FBXL17: variants seen among roughly 807,000 people sequenced by gnomAD.
FBXL17 encodes the protein F-box and leucine rich repeat protein 17.
A neutral mutation model predicts 66.2 loss-of-function variants in FBXL17; 22 were observed. The ratio of observed to expected loss-of-function variants is 0.33; its 90% CI spans 0.24 to 0.47. FBXL17 has a LOEUF of 0.47. Ranked by LOEUF, FBXL17 falls within the 20% of genes least tolerant of loss-of-function variation. The pLI, the probability that FBXL17 is intolerant of heterozygous loss-of-function variation, is 1.00. For synonymous variants in FBXL17, 474 were observed against 400.5 expected (o/e 1.18, Z -2.19); for missense variants, 878 against 948.2 (o/e 0.93, Z 0.97).
chr5:107,892,167 T>C (rs918785898), intron 7 of FBXL17, among the ~76,000 whole-genome samples: 4 of 152,252 alleles, frequency 2.6e-5, no homozygotes, highest in South Asian at 4.1e-4. Flanking sequence ...AAGTACCGTC[T>C]CTACTGAATG....
Position 107,961,214 on chromosome 5 carries a change from C to CT in FBXL17, c.1822+59710dup, listed in dbSNP as rs201345861. Among the ~76,000 whole-genome samples the CT allele has an allele frequency of 5.3e-5, 8 of 150,796 alleles. No individual in the cohort carries two copies. In the East Asian group the frequency reaches 9.8e-4, roughly 18 times the overall value. ...TTCTTTCTTTTTTTCTTTTTCTTTTCTTTTTTTGGGGGGTTTTGTTTTGTT... is the reference window on the plus strand; with the variant it reads ...TTCTTTCTTTTTTTCTTTTTCTTTTCTTTTTTTTGGGGGGTTTTGTTTTGTT... On this transcript the variant is annotated intron_variant, in intron 7 of 8. Transcript: ENST00000542267.
intron 4 of FBXL17, among the ~76,000 whole-genome samples, chr5:108,238,136 T>C (rs944877485): frequency 2.0e-5 from 3 of 152,196 alleles, no homozygotes; most frequent in Non-Finnish European, 4.4e-5. Context: ...AGAGAACACA[T>C]TGGCACTTGT....
chr5:107,876,186 C>T (rs762388097), intron 8 of FBXL17, among the ~76,000 whole-genome samples: 32 of 152,116 alleles, frequency 2.1e-4, no homozygotes, highest in African/African-American at 2.9e-4. Flanking sequence ...TTAGGTAAAC[C>T]GAGGCACACT....
chr5:108,022,068 T>C (rs1422712078), intron 6 of FBXL17, among the ~76,000 whole-genome samples: 2 of 151,936 alleles, frequency 1.3e-5, no homozygotes, highest in Admixed American at 6.6e-5. Flanking sequence ...TAATTCATTA[T>C]TGAAGGTTAA....
At chr5:108,373,325 ATTAATATATATC>A (rs1436636743) in intron 1 of FBXL17, among the ~76,000 whole-genome samples, 452 of 111,296 alleles carry the variant, frequency 4.1e-3, no homozygotes, top group Middle Eastern at 0.011. Flanking sequence ...TTAAATTTTT[ATTAATATATATC>A]TAAATATAAT....
chr5:107,868,406 T>C (rs1748344837), intron 8 of FBXL17, among the ~76,000 whole-genome samples: 1 of 152,246 alleles, frequency 6.6e-6, no homozygotes, highest in Non-Finnish European at 1.5e-5. Context: ...TGGATCTCAC[T>C]TGGCCTGCAG....
At chr5:108,196,298 T>C (rs1390220896) in intron 5 of FBXL17, among the ~76,000 whole-genome samples, 4 of 151,908 alleles carry the variant, frequency 2.6e-5, no homozygotes, top group African/African-American at 9.7e-5. Flanking sequence ...CAAGGCAGAA[T>C]TCATTTCCTT....
intron 6 of FBXL17, among the ~76,000 whole-genome samples, chr5:108,024,278 G>A (rs1754710855): frequency 6.6e-6 from 1 of 152,154 alleles, no homozygotes; most frequent in South Asian, 2.1e-4. Context: ...GATAAATGCT[G>A]AGGAATATCA....
intron 7 of FBXL17, among the ~76,000 whole-genome samples, chr5:107,891,781 T>A (rs1353525953): frequency 6.6e-6 from 1 of 152,186 alleles, no homozygotes; most frequent in Non-Finnish European, 1.5e-5. Flanking sequence ...TTCTACTGCA[T>A]ATAAACTCCA....
chr5:107,942,237 G>A (rs1226586168), intron 7 of FBXL17, among the ~76,000 whole-genome samples: 1 of 152,122 alleles, frequency 6.6e-6, no homozygotes, highest in Non-Finnish European at 1.5e-5. Flanking sequence ...CTCGTGCAAG[G>A]CTCTAAAGGA....
intron 8 of FBXL17, among the ~76,000 whole-genome samples, chr5:107,864,603 G>T (rs183224123): frequency 1.3e-5 from 2 of 152,286 alleles, no homozygotes; most frequent in Admixed American, 1.3e-4. Context: ...GCTTGGTGCT[G>T]TCTTCGAGAT....
At chr5:107,867,578 G>A (rs1748311682) in intron 8 of FBXL17, among the ~76,000 whole-genome samples, 1 of 152,204 alleles carries the variant, frequency 6.6e-6, no homozygotes. Flanking sequence ...CAGACCATTT[G>A]GAAATTTTGT....
chr5:108,373,274 T>C (rs1332118667), intron 1 of FBXL17, among the ~76,000 whole-genome samples: 1 of 145,366 alleles, frequency 6.9e-6, no homozygotes, highest in African/African-American at 2.5e-5. Flanking sequence ...ATAATATATA[T>C]CTAAATATAT....
chr5:108,308,398 T>C (rs1477520165), intron 4 of FBXL17, among the ~76,000 whole-genome samples: 1 of 152,118 alleles, frequency 6.6e-6, no homozygotes, highest in East Asian at 1.9e-4. Context: ...CTGAGGTTCA[T>C]AGATATTAAA....
intron 7 of FBXL17, among the ~76,000 whole-genome samples, chr5:107,955,095 A>T (rs1191527871): frequency 6.6e-6 from 1 of 152,130 alleles, no homozygotes; most frequent in Admixed American, 6.5e-5. Flanking sequence ...ATTTCTTAGA[A>T]AAATAAAATG....
chr5:107,954,263 T>C (rs905514188), intron 7 of FBXL17, among the ~76,000 whole-genome samples: 3 of 152,168 alleles, frequency 2.0e-5, no homozygotes, highest in Admixed American at 6.5e-5. Context: ...GGATATAAAA[T>C]AACCATCAAG....
At chr5:107,939,813 T>G (rs1751035595) in intron 7 of FBXL17, among the ~76,000 whole-genome samples, 1 of 152,258 alleles carries the variant, frequency 6.6e-6, no homozygotes, top group East Asian at 1.9e-4. Context: ...TGTCTCAAGA[T>G]TAGTCAATGA....
chr5:108,346,403 G>GA (rs1320629920), intron 4 of FBXL17, among the ~76,000 whole-genome samples: 1 of 151,736 alleles, frequency 6.6e-6, no homozygotes, highest in Non-Finnish European at 1.5e-5. Flanking sequence ...CAAAATACTA[G>GA]AAAAAAACTA....
chr5:108,143,532 CTT>C (rs1554068933), intron 6 of FBXL17, among the ~76,000 whole-genome samples: 1 of 152,106 alleles, frequency 6.6e-6, no homozygotes, highest in Non-Finnish European at 1.5e-5. Flanking sequence ...ACCTTGCTCT[CTT>C]CTCTCTTCTG....
Sources: allele counts gnomAD v4.1 joint callset (sites outside exome capture counted in the v4.1 genomes callset), GRCh38; gene constraint gnomAD v4.1.1; transcripts MANE v1.5; gene names NCBI Gene and HGNC (gene_info 2026-07-23, HGNC 2026-07-21).